TNFSF4: variants seen among roughly 807,000 people sequenced by gnomAD.
The protein encoded by TNFSF4 is tumor necrosis factor ligand superfamily member 4.
In TNFSF4, 4 loss-of-function variants were observed where a neutral mutation model predicts 7.3. The ratio of observed to expected loss-of-function variants is 0.55; its 90% CI spans 0.27 to 1.25. The LOEUF (loss-of-function observed/expected upper bound fraction) is 1.25, where lower values mean the gene tolerates loss of function less well. TNFSF4 is among the 50% of genes most tolerant of loss of function. The pLI, the probability that TNFSF4 is intolerant of heterozygous loss-of-function variation, is 0.12. For synonymous variants in TNFSF4, 76 were observed against 83.7 expected, an observed-to-expected ratio of 0.91 and a Z score of 0.50; for missense variants, 181 against 208.8, an observed-to-expected ratio of 0.87 and a Z score of 0.82.
rs549160452 is a variant in TNFSF4 at position 173,186,877 on chromosome 1, A to G, written c.203-12T>C. The G allele has an allele frequency of 1.9e-6, 3 of 1,544,740 alleles. No homozygotes were observed. The highest frequency in any genetic ancestry group is 1.2e-5 in the South Asian group (1 of 80,052). ...CTCCTTCTTATATTCTAGGGAGGAT[A>G]GGGGAAAATTTGTTTAATTAATTCC... On this transcript the variant is annotated splice_polypyrimidine_tract_variant and intron_variant, in intron 2 of 2. Coordinates refer to ENST00000281834, the MANE Select transcript of TNFSF4 (RefSeq NM_003326.5).
the TNFSF4 span, among the ~76,000 whole-genome samples, chr1:173,441,401 T>C: frequency 2.0e-5 from 3 of 152,154 alleles, no homozygotes; most frequent in South Asian, 2.1e-4. Flanking sequence ...GGTGGGCGGA[T>C]TGCCTGAGCT....
the TNFSF4 span, among the ~76,000 whole-genome samples, chr1:173,246,397 C>T: frequency 6.6e-6 from 1 of 152,130 alleles, no homozygotes; most frequent in African/African-American, 2.4e-5. Flanking sequence ...CCAGCAATTC[C>T]ATTACTGGGT....
the TNFSF4 span, among the ~76,000 whole-genome samples, chr1:173,315,282 T>A: frequency 6.6e-6 from 1 of 152,100 alleles, no homozygotes; most frequent in Non-Finnish European, 1.5e-5. Context: ...AAGAGGATTT[T>A]AAAAATCAGT....
At chr1:173,435,479 C>T in the TNFSF4 span, among the ~76,000 whole-genome samples, 1 of 152,068 alleles carries the variant, frequency 6.6e-6, no homozygotes. Flanking sequence ...GAGGAGACAC[C>T]AGCGAGCTTA....
the TNFSF4 span, among the ~76,000 whole-genome samples, chr1:173,249,229 C>T: frequency 6.6e-6 from 1 of 152,008 alleles, no homozygotes; most frequent in African/African-American, 2.4e-5. Context: ...TTTGCAGAGG[C>T]AGAAAGAGGT....
chr1:173,450,680 A>C, the TNFSF4 span, among the ~76,000 whole-genome samples: 1 of 149,156 alleles, frequency 6.7e-6, no homozygotes, highest in East Asian at 2.0e-4. Context: ...TAATCACATG[A>C]ATATCTTATT....
the TNFSF4 span, among the ~76,000 whole-genome samples, chr1:173,401,761 C>G: frequency 6.6e-6 from 1 of 151,790 alleles, no homozygotes; most frequent in African/African-American, 2.4e-5. Context: ...ACACACACAC[C>G]CATATACATA....
At chr1:173,359,545 C>T in the TNFSF4 span, among the ~76,000 whole-genome samples, 3 of 130,966 alleles carry the variant, frequency 2.3e-5, no homozygotes, top group African/African-American at 8.7e-5. Context: ...AAAAAAACTA[C>T]ATCTGCTGAC....
chr1:173,301,859 T>G, the TNFSF4 span, among the ~76,000 whole-genome samples: 2 of 116,450 alleles, frequency 1.7e-5, no homozygotes, highest in Non-Finnish European at 3.3e-5. Context: ...GCGGAAATCA[T>G]GTCTTCTCAT....
the TNFSF4 span, among the ~76,000 whole-genome samples, chr1:173,381,976 G>C: frequency 3.3e-5 from 5 of 152,168 alleles, no homozygotes; most frequent in African/African-American, 1.2e-4. Context: ...CCAATCAGCA[G>C]GACGTGGGCA....
At chr1:173,264,980 T>C in the TNFSF4 span, among the ~76,000 whole-genome samples, 2 of 152,168 alleles carry the variant, frequency 1.3e-5, no homozygotes, top group Non-Finnish European at 1.5e-5. Context: ...CAAGGCAAAA[T>C]ACCTCATTTC....
chr1:173,195,480 C>G (rs1337069655), intron 1 of TNFSF4, among the ~76,000 whole-genome samples: 1 of 152,216 alleles, frequency 6.6e-6, no homozygotes. Context: ...TCTTTCTTGG[C>G]CTCCTTCAGT....
chr1:173,353,430 C>T, the TNFSF4 span, among the ~76,000 whole-genome samples: 1 of 152,184 alleles, frequency 6.6e-6, no homozygotes, highest in Non-Finnish European at 1.5e-5. Flanking sequence ...CTTCCCGCAA[C>T]ACATGTGCCT....
chr1:173,309,687 C>T, the TNFSF4 span, among the ~76,000 whole-genome samples: 1 of 151,610 alleles, frequency 6.6e-6, no homozygotes, highest in South Asian at 2.1e-4. Flanking sequence ...TAATGTTATG[C>T]TAGCCTTATC....
chr1:173,311,094 G>A, the TNFSF4 span, among the ~76,000 whole-genome samples: 7 of 151,878 alleles, frequency 4.6e-5, no homozygotes, highest in East Asian at 9.7e-4. Flanking sequence ...AAAGCATTTA[G>A]TCCATTTACT....
chr1:173,269,778 T>C, the TNFSF4 span, among the ~76,000 whole-genome samples: 1 of 152,168 alleles, frequency 6.6e-6, no homozygotes, highest in Non-Finnish European at 1.5e-5. Context: ...GGTTGACCAC[T>C]GGTAACTGAA....
the TNFSF4 span, among the ~76,000 whole-genome samples, chr1:173,329,094 T>C: frequency 5.5e-3 from 836 of 152,328 alleles, 13 homozygotes; most frequent in African/African-American, 0.019. Flanking sequence ...TAAACTATTA[T>C]GCATCTTTTT....
intron 1 of TNFSF4, among the ~76,000 whole-genome samples, chr1:173,204,102 CA>C (rs1420404605): frequency 2.0e-5 from 3 of 152,180 alleles, no homozygotes; most frequent in African/African-American, 7.2e-5. Context: ...TAGAAAAGTA[CA>C]TATGTGCAAA....
the TNFSF4 span, among the ~76,000 whole-genome samples, chr1:173,261,863 C>T: frequency 3.1e-4 from 46 of 150,776 alleles, no homozygotes; most frequent in East Asian, 8.6e-3. Flanking sequence ...AAAAAAAGCC[C>T]AAGACCAGAC....
Sources: allele counts gnomAD v4.1 joint callset (sites outside exome capture counted in the v4.1 genomes callset), GRCh38; gene constraint gnomAD v4.1.1; transcripts MANE v1.5; gene names NCBI Gene and HGNC (gene_info 2026-07-23, HGNC 2026-07-21).